The following GRM5 variants were observed in gnomAD, a reference collection of about 807,000 sequenced individuals.
GRM5 encodes the protein glutamate metabotropic receptor 5, also known as metabotropic glutamate receptor 5.
GRM5 carries 19 observed loss-of-function variants against 83.1 expected under a neutral mutation model. The ratio of observed to expected loss-of-function variants is 0.23; its 90% confidence interval spans 0.16 to 0.34. The LOEUF (loss-of-function observed/expected upper bound fraction) is 0.34, where lower values mean the gene tolerates loss of function less well. GRM5 is among the 10% of genes least tolerant of loss of function. GRM5 has a pLI of 1.00. For synonymous variants in GRM5, 675 were observed against 633.6 expected (o/e 1.07, Z -0.98); for missense variants, 1,160 against 1,588.3 (o/e 0.73, Z 4.58).
intron 2 of GRM5, among the ~76,000 whole-genome samples, chr11:89,005,854 G>T (rs10466338): frequency 6.6e-6 from 1 of 152,008 alleles, no homozygotes; most frequent in Admixed American, 6.6e-5. Flanking sequence ...CTACCATATT[G>T]TTGTCATTTT....
chr11:88,648,198 G>A (rs1373491281), intron 4 of GRM5, among the ~76,000 whole-genome samples: 3 of 151,632 alleles, frequency 2.0e-5, no homozygotes, highest in Non-Finnish European at 2.9e-5. Context: ...AAAGACACAT[G>A]CACACGTATG....
At chr11:88,704,088 A>T (rs990176176) in intron 3 of GRM5, among the ~76,000 whole-genome samples, 1 of 152,018 alleles carries the variant, frequency 6.6e-6, no homozygotes. Flanking sequence ...TGGTGCATGC[A>T]TATGGAAGAA....
chr11:88,937,467 A>T (rs1237645356), intron 2 of GRM5, among the ~76,000 whole-genome samples: 2 of 151,674 alleles, frequency 1.3e-5, no homozygotes, highest in Non-Finnish European at 3.0e-5. Context: ...TTCTGCTAAC[A>T]ATTTGCATAG....
intron 2 of GRM5, among the ~76,000 whole-genome samples, chr11:88,867,560 A>G (rs1471492833): frequency 6.6e-6 from 1 of 151,684 alleles, no homozygotes; most frequent in African/African-American, 2.4e-5. Context: ...GAAAATTCCT[A>G]TGTTGTAATC....
In GRM5 at chr11:88,841,259, G is replaced by A. The variant is rs2088614; in HGVS notation, c.911+8647C>T. ...TCTCCTCAGTGGTTTTCTTAATGGT[G>A]TCTTGGAACTTGTCTGCTGCTTCTT... On this transcript the variant is annotated intron_variant, in intron 3 of 9. Transcript: ENST00000305447. Among the ~76,000 whole-genome samples the A allele has an allele frequency of 6.7e-3, 1,017 of 152,216 alleles. 12 individuals are homozygous for A. Among genetic ancestry groups the A allele is most frequent in the African/African-American group, 0.024 (979 of 41,518 alleles).
intron 3 of GRM5, among the ~76,000 whole-genome samples, chr11:88,757,509 A>C (rs1368322145): frequency 6.6e-6 from 1 of 152,030 alleles, no homozygotes; most frequent in Non-Finnish European, 1.5e-5. Context: ...ATGACGGTGG[A>C]ACCACCCCTG....
chr11:89,006,195 T>C (rs1462122191), intron 2 of GRM5, among the ~76,000 whole-genome samples: 1 of 152,226 alleles, frequency 6.6e-6, no homozygotes, highest in Admixed American at 6.5e-5. Context: ...GGCCTGGCTA[T>C]GCCATATACT....
At chr11:88,723,619 C>A (rs1941602235) in intron 3 of GRM5, among the ~76,000 whole-genome samples, 1 of 151,870 alleles carries the variant, frequency 6.6e-6, no homozygotes, top group Admixed American at 6.6e-5. Flanking sequence ...ATGTGGGAAA[C>A]CTCTGAACAC....
chr11:89,054,829 T>C (rs1941838823), intron 1 of GRM5, among the ~76,000 whole-genome samples: 1 of 152,220 alleles, frequency 6.6e-6, no homozygotes, highest in African/African-American at 2.4e-5. Context: ...TATGCATACA[T>C]AAAGACTGGA....
chr11:88,988,845 G>C (rs1362966344), intron 2 of GRM5, among the ~76,000 whole-genome samples: 24 of 144,700 alleles, frequency 1.7e-4, no homozygotes, highest in African/African-American at 6.2e-4. Flanking sequence ...TGCCCTAAAA[G>C]AGCTCCTGAA....
At chr11:88,991,955 A>G (rs1188872103) in intron 2 of GRM5, among the ~76,000 whole-genome samples, 1 of 152,200 alleles carries the variant, frequency 6.6e-6, no homozygotes, top group Non-Finnish European at 1.5e-5. Context: ...AGGCATGGGC[A>G]AGGACTTCAT....
chr11:89,055,188 T>C (rs1327050108), intron 1 of GRM5, among the ~76,000 whole-genome samples: 1 of 152,216 alleles, frequency 6.6e-6, no homozygotes. Flanking sequence ...GTTAAGAGCA[T>C]GGGCTTGGAG....
intron 7 of GRM5, among the ~76,000 whole-genome samples, chr11:88,570,673 G>A (rs1202244949): frequency 7.1e-6 from 1 of 141,252 alleles, no homozygotes; most frequent in South Asian, 2.3e-4. Context: ...TCTGCCTCCC[G>A]AGTTCAAGCG....
chr11:88,778,433 C>T (rs573587483), intron 3 of GRM5, among the ~76,000 whole-genome samples: 2 of 152,230 alleles, frequency 1.3e-5, no homozygotes, highest in African/African-American at 4.8e-5. Flanking sequence ...CCCCACCCTG[C>T]TTTGGCTCAC....
intron 9 of GRM5, among the ~76,000 whole-genome samples, chr11:88,524,574 A>G (rs1049430719): frequency 3.9e-5 from 6 of 152,234 alleles, no homozygotes; most frequent in African/African-American, 1.2e-4. Context: ...TATTTCATGC[A>G]ACACAGCTTA....
chr11:88,759,422 C>T (rs1942464636), intron 3 of GRM5, among the ~76,000 whole-genome samples: 1 of 152,080 alleles, frequency 6.6e-6, no homozygotes, highest in East Asian at 1.9e-4. Context: ...GCAGGCATTG[C>T]AATCCTAATT....
intron 2 of GRM5, among the ~76,000 whole-genome samples, chr11:89,030,475 T>C (rs1941236972): frequency 6.6e-6 from 1 of 152,064 alleles, no homozygotes; most frequent in African/African-American, 2.4e-5. Context: ...CTTTGATAAA[T>C]ACGTTCTTTT....
intron 9 of GRM5, among the ~76,000 whole-genome samples, chr11:88,523,742 GT>G (rs2135103919): frequency 6.6e-6 from 1 of 152,306 alleles, no homozygotes; most frequent in East Asian, 1.9e-4. Flanking sequence ...ATGCTGAACA[GT>G]TCTGGGCACC....
intron 3 of GRM5, among the ~76,000 whole-genome samples, chr11:88,774,748 A>T (rs1358612361): frequency 6.6e-6 from 1 of 151,906 alleles, no homozygotes; most frequent in Non-Finnish European, 1.5e-5. Context: ...GTGATGGATT[A>T]GGTTTATTGC....
Sources: allele counts gnomAD v4.1 joint callset (sites outside exome capture counted in the v4.1 genomes callset), GRCh38; gene constraint gnomAD v4.1.1; transcripts MANE v1.5; gene names NCBI Gene and HGNC (gene_info 2026-07-23, HGNC 2026-07-21).